The following ADGRB3 variants were observed in gnomAD, a reference collection of about 807,000 sequenced individuals.
ADGRB3 encodes adhesion G protein-coupled receptor B3, also known as brain-specific angiogenesis inhibitor 3.
In ADGRB3, 37 loss-of-function variants were observed where a neutral mutation model predicts 193.4. The ratio of observed to expected loss-of-function variants is 0.19; its 90% CI spans 0.15 to 0.25. ADGRB3 has a LOEUF of 0.25. ADGRB3 is among the 10% of genes least tolerant of loss of function. The pLI is 1.00. For missense variants in ADGRB3, 1,637 were observed against 1,852.9 expected, an observed-to-expected ratio of 0.88 and a Z score of 2.14; for synonymous variants, 690 against 644.2, an observed-to-expected ratio of 1.07 and a Z score of -1.08.
chr6:69,114,808 A>T (rs1416727204), intron 17 of ADGRB3, among the ~76,000 whole-genome samples: 3 of 152,220 alleles, frequency 2.0e-5, no homozygotes, highest in African/African-American at 7.2e-5. Flanking sequence ...TTTGTCAAAG[A>T]TCAGAAATTT....
At chr6:68,907,582 G>A (rs994423087) in intron 3 of ADGRB3, among the ~76,000 whole-genome samples, 3 of 151,716 alleles carry the variant, frequency 2.0e-5, no homozygotes, top group Non-Finnish European at 4.4e-5. Flanking sequence ...TTTTAATTAA[G>A]TAGAGTTGAT....
rs3839475 is a variant in ADGRB3, at chr6:69,219,461, GTATATATATA to G, written c.2481-13806_2481-13797del. On this transcript the variant is annotated intron_variant, in intron 17 of 31. Coordinates refer to ENST00000370598, the MANE Select transcript of ADGRB3 (RefSeq NM_001704.3). Reference sequence around the variant, plus strand: ...CTTTAACTTAAAAATACACACACACGTATATATATATATATATATATATATATATATACGT... The same window carrying G: ...CTTTAACTTAAAAATACACACACACGTATATATATATATATATATATACGT... Among the ~76,000 whole-genome samples, 26 of 98,964 alleles carry G rather than the reference GTATATATATA, an allele frequency of 2.6e-4. 1 individual carries two copies. The highest frequency in any genetic ancestry group is 9.2e-4 in the East Asian group (3 of 3,278). 64.9% of individuals were successfully genotyped at this position (98,964 alleles called of 152,430 possible). A position where few individuals can be genotyped will look rare whatever the true frequency, so the allele number is the denominator to read the frequency against.
intron 8 of ADGRB3, among the ~76,000 whole-genome samples, chr6:68,963,606 T>G (rs1262910972): frequency 2.6e-5 from 4 of 152,152 alleles, no homozygotes; most frequent in African/African-American, 9.7e-5. Flanking sequence ...AGCCTCTGGT[T>G]TCTGAATACA....
At chr6:69,047,467 A>G (rs1284920080) in intron 13 of ADGRB3, among the ~76,000 whole-genome samples, 1 of 151,020 alleles carries the variant, frequency 6.6e-6, no homozygotes, top group East Asian at 1.9e-4. Flanking sequence ...TCTGATATGT[A>G]TTATAATATT....
chr6:68,966,356 T>A (rs769852946), intron 8 of ADGRB3, among the ~76,000 whole-genome samples: 1 of 152,170 alleles, frequency 6.6e-6, no homozygotes, highest in Non-Finnish European at 1.5e-5. Flanking sequence ...AACATTGTCA[T>A]AAATTTCCCT....
intron 16 of ADGRB3, among the ~76,000 whole-genome samples, chr6:69,072,609 A>C (rs1441476013): frequency 6.6e-6 from 1 of 152,096 alleles, no homozygotes; most frequent in Non-Finnish European, 1.5e-5. Flanking sequence ...ATATTAGTTT[A>C]TATAAAGATT....
chr6:69,004,427 A>AT (rs2150280550), intron 11 of ADGRB3, among the ~76,000 whole-genome samples: 1 of 141,114 alleles, frequency 7.1e-6, no homozygotes, highest in East Asian at 2.1e-4. Flanking sequence ...TTTATCTTTT[A>AT]TTATACTTTA....
chr6:68,718,852 T>A (rs1765528064), intron 3 of ADGRB3, among the ~76,000 whole-genome samples: 1 of 151,772 alleles, frequency 6.6e-6, no homozygotes, highest in Non-Finnish European at 1.5e-5. Context: ...AATAGTGTCT[T>A]ATGGGAACAC....
At chr6:69,190,467 CTG>C (rs1157701028) in intron 17 of ADGRB3, among the ~76,000 whole-genome samples, 1 of 151,756 alleles carries the variant, frequency 6.6e-6, no homozygotes, top group Non-Finnish European at 1.5e-5. Context: ...AGCTATGTGT[CTG>C]TGTTTTAAGT....
chr6:69,379,951 A>G (rs1198557371), intron 30 of ADGRB3, among the ~76,000 whole-genome samples: 3 of 152,032 alleles, frequency 2.0e-5, no homozygotes, highest in Non-Finnish European at 2.9e-5. Context: ...TAATAAACCC[A>G]GGTAGAAAAT....
At chr6:69,261,221 G>C (rs1467228827) in intron 20 of ADGRB3, among the ~76,000 whole-genome samples, 1 of 152,214 alleles carries the variant, frequency 6.6e-6, no homozygotes. Context: ...TCAGAACCCT[G>C]CAGGGAAAGG....
At chr6:69,147,455 A>G (rs1358728907) in intron 17 of ADGRB3, among the ~76,000 whole-genome samples, 2 of 152,186 alleles carry the variant, frequency 1.3e-5, no homozygotes, top group Admixed American at 6.5e-5. Context: ...ATAGTTTCCA[A>G]CATTCCTCTT....
chr6:68,908,259 T>C (rs1446275514), intron 3 of ADGRB3, among the ~76,000 whole-genome samples: 1 of 152,094 alleles, frequency 6.6e-6, no homozygotes, highest in Non-Finnish European at 1.5e-5. Context: ...TTTTTCTAAT[T>C]AACTTATTTC....
At chr6:69,211,140 A>G (rs1765658986) in intron 17 of ADGRB3, among the ~76,000 whole-genome samples, 1 of 152,096 alleles carries the variant, frequency 6.6e-6, no homozygotes, top group African/African-American at 2.4e-5. Flanking sequence ...AAAAAGAAAT[A>G]TAAGCAGAAG....
At chr6:68,904,105 G>A (rs1766477569) in intron 3 of ADGRB3, among the ~76,000 whole-genome samples, 1 of 68,044 alleles carries the variant, frequency 1.5e-5, no homozygotes, top group Non-Finnish European at 3.9e-5. Flanking sequence ...AAGGAAGGAA[G>A]GAAGGAAGGG....
chr6:68,796,293 G>A (rs1767206718), intron 3 of ADGRB3, among the ~76,000 whole-genome samples: 1 of 151,570 alleles, frequency 6.6e-6, no homozygotes, highest in South Asian at 2.1e-4. Context: ...TGTACTGACT[G>A]GAATCTGCCT....
At chr6:69,338,715 AC>A (rs1443428827) in intron 24 of ADGRB3, among the ~76,000 whole-genome samples, 200 bp from the exon 25 acceptor site, 4 of 152,250 alleles carry the variant, frequency 2.6e-5, no homozygotes, top group African/African-American at 9.6e-5. Context: ...TTTGCATGCA[AC>A]AAAGGCCCAT....
chr6:68,761,293 C>G (rs1036925780), intron 3 of ADGRB3, among the ~76,000 whole-genome samples: 12 of 151,854 alleles, frequency 7.9e-5, no homozygotes, highest in African/African-American at 2.9e-4. Context: ...AACAAGCACA[C>G]TTGGATTTAC....
chr6:69,163,158 G>A (rs1326380109), intron 17 of ADGRB3, among the ~76,000 whole-genome samples: 1 of 152,056 alleles, frequency 6.6e-6, no homozygotes, highest in Middle Eastern at 3.2e-3. Context: ...AGAGAGAGAA[G>A]GGAGCAGAGA....
Sources: allele counts gnomAD v4.1 joint callset (sites outside exome capture counted in the v4.1 genomes callset), GRCh38; gene constraint gnomAD v4.1.1; transcripts MANE v1.5; gene names NCBI Gene and HGNC (gene_info 2026-07-23, HGNC 2026-07-21).